SERPINB7: variants seen among roughly 807,000 people sequenced by gnomAD.
The protein encoded by SERPINB7 is serpin family B member 7, also known as serpin B7.
SERPINB7 carries 31 observed loss-of-function variants against 37.4 expected under a neutral mutation model. The observed-to-expected ratio is 0.83, with a 90% CI of 0.62 to 1.12. The LOEUF is 1.12. Ranked by LOEUF, SERPINB7 falls within the 50% of genes most tolerant of loss-of-function variation. The probability of loss-of-function intolerance (pLI) is 0.00; values close to 1 mark genes in which losing one functional copy is unlikely to be tolerated. For synonymous variants in SERPINB7, 163 were observed against 166.1 expected (o/e 0.98, Z 0.14); for missense variants, 521 against 455.3 (o/e 1.14, Z -1.31).
chr18:63,770,872 T>C (rs368171250), upstream of SERPINB7, among the ~76,000 whole-genome samples: 1 of 27,120 alleles, frequency 3.7e-5, no homozygotes, highest in African/African-American at 9.0e-5. Context: ...AGTCTGCACA[T>C]GCACACACAC....
At chr18:63,761,071 C>T (rs558083138) in intron 1 of SERPINB7, among the ~76,000 whole-genome samples, 73 of 152,296 alleles carry the variant, frequency 4.8e-4, no homozygotes, top group African/African-American at 1.6e-3. Context: ...CCTGGAAAAG[C>T]CACACACACT....
Position 63,804,392 on chromosome 18 carries a change from T to A in SERPINB7, c.900T>A (p.Phe300Leu), listed in dbSNP as rs1471340633. 4 of 1,613,846 alleles carry A rather than the reference T, an allele frequency of 2.5e-6. No individual in the cohort carries two copies. The highest frequency in any genetic ancestry group is 1.1e-5 in the South Asian group (1 of 91,078). ...GAGCCCTAGGGCTGAAAGATATCTT[T>A]GATGAATCCAAAGCAGATCTCTCTG... ...YLRALGLKDIFDESKADLSGI... is the reference protein window; with the variant it reads ...YLRALGLKDILDESKADLSGI... Residue 300 changes from phenylalanine (F) to leucine (L), a missense_variant, in exon 8 of 8, where the codon TTT becomes TTA. Coordinates refer to ENST00000398019, the MANE Select transcript of SERPINB7 (RefSeq NM_003784.4).
chr18:63,761,804 C>T (rs771103187), intron 1 of SERPINB7, among the ~76,000 whole-genome samples: 3 of 152,180 alleles, frequency 2.0e-5, no homozygotes, highest in Non-Finnish European at 4.4e-5. Context: ...TGAGGCCTCC[C>T]AAGCTATGTG....
intron 5 of SERPINB7, 38 bp from the exon 6 acceptor site, chr18:63,798,566 T>C (rs2049512556): frequency 6.7e-7 from 1 of 1,486,940 alleles, no homozygotes. Context: ...AAAATTATAT[T>C]AAAATAAACA....
chr18:63,756,812 G>GTGTGTA (rs1349251081), intron 1 of SERPINB7, among the ~76,000 whole-genome samples: 2 of 150,102 alleles, frequency 1.3e-5, no homozygotes, highest in Non-Finnish European at 3.0e-5. Flanking sequence ...GCTTGTGTGT[G>GTGTGTA]TGTGTGTGTG....
intron 6 of SERPINB7, among the ~76,000 whole-genome samples, chr18:63,800,386 C>T (rs1238378043): frequency 6.6e-6 from 1 of 151,900 alleles, no homozygotes; most frequent in African/African-American, 2.4e-5. Flanking sequence ...TTTGTTAGTA[C>T]TAGTCTGTGT....
chr18:63,764,322 A>G (rs764591963), intron 1 of SERPINB7, among the ~76,000 whole-genome samples: 4 of 152,216 alleles, frequency 2.6e-5, no homozygotes, highest in Non-Finnish European at 5.9e-5. Context: ...GGGGATTTCA[A>G]AAACAAATTG....
chr18:63,772,228 ACTATCTAT>A (rs112720124), upstream of SERPINB7, among the ~76,000 whole-genome samples: 1 of 152,018 alleles, frequency 6.6e-6, no homozygotes, highest in Non-Finnish European at 1.5e-5. Context: ...CCTTTAGCTT[ACTATCTAT>A]CTATCTATTA....
rs763385808 is a variant in SERPINB7 at position 63,796,295 on chromosome 18, C to T, written c.366C>T (p.Tyr122=). ...ACATTGAGTGTGCCGAAAAATTATACGATGCCAAAGTGGAGCGAGTTGACT... is the reference window on the plus strand; with the variant it reads ...ACATTGAGTGTGCCGAAAAATTATATGATGCCAAAGTGGAGCGAGTTGACT... ...KDYIECAEKL[Y]DAKVERVDFT... is the part of the protein sequence containing the mutation. The change falls in exon 5 of 8, where the codon TAC becomes TAT. Residue 122 remains tyrosine, a synonymous_variant. Transcript: ENST00000398019. The T allele has an allele frequency of 1.0e-4, 161 of 1,611,562 alleles. No homozygotes were observed. Among genetic ancestry groups the T allele is most frequent in the Middle Eastern group, 3.3e-4 (2 of 6,080 alleles).
intron 2 of SERPINB7, among the ~76,000 whole-genome samples, chr18:63,786,014 CATATATAATAT>C (rs2049362660): frequency 7.4e-6 from 1 of 135,834 alleles, no homozygotes; most frequent in African/African-American, 2.8e-5. Context: ...TATATATACA[CATATATAATAT>C]ACGTATATAT....
intron 2 of SERPINB7, among the ~76,000 whole-genome samples, chr18:63,784,427 C>T (rs2049344374): frequency 6.6e-6 from 1 of 152,160 alleles, no homozygotes; most frequent in Non-Finnish European, 1.5e-5. Context: ...AATCAGTCTC[C>T]AGTTGAGAAC....
At chr18:63,758,504 G>T (rs1398293184) in intron 1 of SERPINB7, among the ~76,000 whole-genome samples, 2 of 152,136 alleles carry the variant, frequency 1.3e-5, no homozygotes, top group Non-Finnish European at 2.9e-5. Context: ...GTAGAAACTG[G>T]TTCTAAATAA....
chr18:63,782,590 C>G (rs767657237), intron 2 of SERPINB7, 50 bp downstream of exon 2: 21 of 1,514,888 alleles, frequency 1.4e-5, no homozygotes, highest in Non-Finnish European at 1.8e-5. Flanking sequence ...GTTTTTCCCA[C>G]GAGAACATTT....
At chr18:63,769,202 T>C (rs1407512144) in intron 1 of SERPINB7, among the ~76,000 whole-genome samples, 2 of 152,124 alleles carry the variant, frequency 1.3e-5, no homozygotes, top group Non-Finnish European at 2.9e-5. Context: ...AATTTGAAAT[T>C]AAATGAAAAA....
At chr18:63,794,669 G>C (rs1358077841) in intron 4 of SERPINB7, among the ~76,000 whole-genome samples, 2 of 151,858 alleles carry the variant, frequency 1.3e-5, no homozygotes, top group African/African-American at 4.8e-5. Flanking sequence ...CGGCCTGGGC[G>C]AAAGAGCGAG....
At chr18:63,795,982 C>T (rs530814517) in intron 4 of SERPINB7, among the ~76,000 whole-genome samples, 4 of 152,196 alleles carry the variant, frequency 2.6e-5, no homozygotes, top group Non-Finnish European at 4.4e-5. Context: ...AATATGAGAA[C>T]GCAGTGGTAA....
At chr18:63,801,084 A>T (rs2049543972) in intron 7 of SERPINB7, 72 bp downstream of exon 7, 2 of 1,445,030 alleles carry the variant, frequency 1.4e-6, no homozygotes, top group African/African-American at 2.8e-5. Context: ...GTTTTCACTG[A>T]TAAACTGTAA....
At chr18:63,778,545 A>G (rs1247866756) in intron 1 of SERPINB7, among the ~76,000 whole-genome samples, 1 of 152,192 alleles carries the variant, frequency 6.6e-6, no homozygotes, top group Admixed American at 6.5e-5. Context: ...TTTAAGGCAC[A>G]TAATTTATCA....
intron 7 of SERPINB7, among the ~76,000 whole-genome samples, chr18:63,801,686 A>G (rs1276042713): frequency 6.6e-6 from 1 of 152,096 alleles, no homozygotes; most frequent in Non-Finnish European, 1.5e-5. Flanking sequence ...AACTGTCCTC[A>G]TGCACTGAGT....
Sources: allele counts gnomAD v4.1 joint callset (sites outside exome capture counted in the v4.1 genomes callset), GRCh38; gene constraint gnomAD v4.1.1; transcripts MANE v1.5; gene names NCBI Gene and HGNC (gene_info 2026-07-23, HGNC 2026-07-21).